The following KHK variants were observed in gnomAD, a reference collection of about 807,000 sequenced individuals.
KHK encodes fructokinase.
A neutral mutation model predicts 36.0 loss-of-function variants in KHK; 37 were observed. The ratio of observed to expected loss-of-function variants is 1.03; its 90% confidence interval spans 0.79 to 1.35. The LOEUF (loss-of-function observed/expected upper bound fraction) is 1.35. Ranked by LOEUF, KHK falls within the 40% of genes most tolerant of loss-of-function variation. The pLI is 0.00. For missense variants in KHK, 395 were observed against 391.9 expected (o/e 1.01, Z -0.07); for synonymous variants, 161 against 162.8 (o/e 0.99, Z 0.08).
chr2:27,100,386 G>C lies in KHK; in HGVS notation c.*636G>C, dbSNP rs1670745216. The C allele has an allele frequency of 6.3e-6, 8 of 1,260,650 alleles. No homozygotes were observed. The highest frequency in any genetic ancestry group is 1.2e-5 in the South Asian group (1 of 80,424). 78.1% of individuals were successfully genotyped at this position (1,260,650 alleles called of 1,614,324 possible). ...ATACCTCCTCCCGCTGACTGCCCCA[G>C]AGCCTGAAAGTCTCACCCTTGGAGC... is the stretch of plus-strand genomic sequence containing the variant. On this transcript the variant is annotated 3_prime_UTR_variant, in exon 8 of 8. Transcript: ENST00000260598.
chr2:27,095,022 G>GC (rs974217655), intron 3 of KHK, 88 bp downstream of exon 3: 1 of 1,472,292 alleles, frequency 6.8e-7, no homozygotes, highest in Non-Finnish European at 9.5e-7. Flanking sequence ...CATCCCAACT[G>GC]CCCCCCTCTG....
chr2:27,096,760 G>T lies in KHK; in HGVS notation c.376G>T (p.Glu126Ter), dbSNP rs764174512. ...SLPDVSATDF[E>*]KVDLTQFKWI... ...GCCAGATGTGTCTGCTACAGACTTT[G>T]AGAAGGTTGATCTGACCCAGTTCAA... The change falls in exon 4 of 8, where the codon GAG (glutamate) becomes TAG (stop). Residue 126 changes from glutamate to a stop codon, truncating the protein, a stop_gained. Coordinates refer to ENST00000260598, the MANE Select transcript of KHK (RefSeq NM_006488.3). LOFTEE classifies it high-confidence loss of function. 2 of 1,614,082 alleles carry T rather than the reference G, an allele frequency of 1.2e-6. No homozygotes were observed. Among genetic ancestry groups the T allele is most frequent in the South Asian group, 2.2e-5 (2 of 91,082 alleles).
chr2:27,096,667 T>A, intron 3 of KHK, 62 bp from the exon 4 acceptor site: 1 of 1,346,698 alleles, frequency 7.4e-7, no homozygotes, highest in Admixed American at 1.7e-5. Context: ...CAGTTAGAGA[T>A]CCTGGCTCTG....
Position 27,100,097 on chromosome 2 carries a change from G to T in KHK, c.*347G>T. ...CCAGGCCCAGAGGAGGGGCTGCCTG[G>T]GCTAGAGCAGCGAGAAGTGCCCTGG... On this transcript the variant is annotated 3_prime_UTR_variant, in exon 8 of 8. Transcript: ENST00000260598. 1.7e-6 allele frequency: 1 copy of T among 583,874 alleles called. No individual in the cohort carries two copies. Among genetic ancestry groups the T allele is most frequent in the Admixed American group, 3.0e-5 (1 of 33,316 alleles). 36.2% of individuals were successfully genotyped at this position (583,874 alleles called of 1,614,324 possible).
intron 1 of KHK, 97 bp downstream of exon 1, chr2:27,087,448 T>C: frequency 1.1e-6 from 1 of 945,158 alleles, no homozygotes; most frequent in African/African-American, 1.7e-5. Flanking sequence ...AGTGAGGCCC[T>C]GAGAACCCGG....
intron 1 of KHK, among the ~76,000 whole-genome samples, chr2:27,091,047 CTG>C (rs1329314552): frequency 3.9e-5 from 1 of 25,852 alleles, no homozygotes; most frequent in Non-Finnish European, 7.7e-5. Context: ...CAGAGTGACT[CTG>C]TCTCAAAAAA....
intron 1 of KHK, among the ~76,000 whole-genome samples, chr2:27,091,464 G>A (rs1670001821): frequency 6.6e-6 from 1 of 152,050 alleles, no homozygotes; most frequent in Non-Finnish European, 1.5e-5. Flanking sequence ...ATATGCTTTG[G>A]CCTAAAAATT....
In KHK at chr2:27,087,213, G is replaced by A. The variant is rs1448270473; in HGVS notation, c.-47G>A. 1.3e-6 allele frequency: 2 copies of A among 1,501,736 alleles called. No individual in the cohort carries two copies. Among genetic ancestry groups the A allele is most frequent in the Non-Finnish European group, 1.8e-6 (2 of 1,100,568 alleles). 93.0% of individuals were successfully genotyped at this position (1,501,736 alleles called of 1,614,324 possible). A position where few individuals can be genotyped will look rare whatever the true frequency, so the allele number is the denominator to read the frequency against. Reference sequence around the variant, plus strand: ...CTCCTGGATAAGAGGCAGAGGCCGGGAGGAACCCCGTCAGCCGGGCGGGCA... The same window carrying A: ...CTCCTGGATAAGAGGCAGAGGCCGGAAGGAACCCCGTCAGCCGGGCGGGCA... On this transcript the variant is annotated 5_prime_UTR_variant, in exon 1 of 8. Coordinates refer to ENST00000260598, the MANE Select transcript of KHK (RefSeq NM_006488.3).
In KHK at chr2:27,094,877, G is replaced by A; in HGVS notation, c.287G>A (p.Ser96Asn). 6.2e-7 allele frequency: 1 copy of A among 1,614,026 alleles called. No individual in the cohort carries two copies. The highest frequency in any genetic ancestry group is 1.3e-5 in the African/African-American group (1 of 75,080). The change falls in exon 3 of 8, where the codon AGC (serine) becomes AAC (asparagine). Residue 96 changes from serine to asparagine, a missense_variant. Transcript: ENST00000260598. ...TGGCAGAGCAAGGGGGACACCCCCAGCTCCTGCTGCATCATCAACAACTCC... is the reference window on the plus strand; with the variant it reads ...TGGCAGAGCAAGGGGGACACCCCCAACTCCTGCTGCATCATCAACAACTCC... ...VAWQSKGDTP[S>N]SCCIINNSNG... is the part of the protein sequence containing the mutation.
At chr2:27,098,917 G>C (rs1291179613) in intron 5 of KHK, 3 of 431,686 alleles carry the variant, frequency 6.9e-6, no homozygotes, top group Non-Finnish European at 1.3e-5. Context: ...ATATGCTTCT[G>C]GCCAGGTGCA....
intron 2 of KHK, among the ~76,000 whole-genome samples, 172 bp downstream of exon 2, chr2:27,092,620 T>A (rs1670086791): frequency 6.6e-6 from 1 of 152,202 alleles, no homozygotes; most frequent in African/African-American, 2.4e-5. Context: ...TGGCGTGGCC[T>A]CTCTGCGGTT....
intron 1 of KHK, chr2:27,087,937 T>C (rs1249248318): frequency 6.6e-6 from 1 of 152,244 alleles, no homozygotes; most frequent in Non-Finnish European, 1.5e-5. Context: ...GGGTTATGTA[T>C]GGATAGAGCT....
In KHK at chr2:27,097,599, G is replaced by C; in HGVS notation, c.514G>C (p.Val172Leu). Residue 172 changes from valine to leucine, a missense_variant, in exon 5 of 8, where the codon GTG becomes CTG. Coordinates refer to ENST00000260598, the MANE Select transcript of KHK (RefSeq NM_006488.3). The stretch of plus-strand genomic sequence containing the variant: ...GCAGAAGATCCGGGTGTCCGTGGAG[G>C]TGGAGAAGCCACGAGAGGAGCTCTT... ...PEQKIRVSVE[V>L]EKPREELFQL... The C allele has an allele frequency of 1.2e-6, 2 of 1,614,110 alleles. No homozygotes were observed. Among genetic ancestry groups the C allele is most frequent in the Non-Finnish European group, 1.7e-6 (2 of 1,180,046 alleles).
At chr2:27,099,032 A>C in intron 5 of KHK, 164 bp from the exon 6 acceptor site, 1 of 730,772 alleles carries the variant, frequency 1.4e-6, no homozygotes, top group Non-Finnish European at 2.5e-6. Flanking sequence ...TTCACAAAAA[A>C]TAAAGAAAAA....
Position 27,096,789 on chromosome 2 carries a change from G to A in KHK, c.405G>A (p.Trp135Ter). 1 of 1,613,716 alleles carries A rather than the reference G, an allele frequency of 6.2e-7. No individual in the cohort carries two copies. The highest frequency in any genetic ancestry group is 8.5e-7 in the Non-Finnish European group (1 of 1,179,680). ...AGGTTGATCTGACCCAGTTCAAGTGGATCCACATTGAGGTAAGCCCTGCCT... is the reference window on the plus strand; with the variant it reads ...AGGTTGATCTGACCCAGTTCAAGTGAATCCACATTGAGGTAAGCCCTGCCT... ...FEKVDLTQFK[W>*]IHIEGRNASE... The change falls in exon 4 of 8, where the codon TGG becomes TGA. Residue 135 changes from tryptophan to a stop codon, truncating the protein, a stop_gained. Coordinates refer to ENST00000260598, the MANE Select transcript of KHK (RefSeq NM_006488.3). LOFTEE classifies it high-confidence loss of function.
In KHK at chr2:27,100,261, A is replaced by G; in HGVS notation, c.*511A>G. The G allele has an allele frequency of 2.5e-6, 1 of 400,468 alleles. No homozygotes were observed. Among genetic ancestry groups the G allele is most frequent in the South Asian group, 2.0e-5 (1 of 49,940 alleles). The allele number at this position is 400,468 out of a possible 1,614,324, so 24.8% of individuals were successfully genotyped here. On this transcript the variant is annotated 3_prime_UTR_variant, in exon 8 of 8. Transcript: ENST00000260598. ...CCCACAGCTCAGAAGCTGGGAGTCC[A>G]CACCGCTGAGCTGAACTGACAGGCC...
chr2:27,096,906 T>G (rs1050143842), intron 4 of KHK, 105 bp downstream of exon 4: 3 of 837,826 alleles, frequency 3.6e-6, no homozygotes, highest in Non-Finnish European at 6.2e-6. Context: ...TAGAGATAAA[T>G]GAACCCAACC....
At chr2:27,098,982 A>C in intron 5 of KHK, 1 of 530,826 alleles carries the variant, frequency 1.9e-6, no homozygotes. Flanking sequence ...GGAAGATCAT[A>C]TGGGGCCAGG....
intron 1 of KHK, among the ~76,000 whole-genome samples, chr2:27,088,387 A>G (rs1558440278): frequency 2.6e-5 from 4 of 152,186 alleles, no homozygotes; most frequent in Admixed American, 2.6e-4. Flanking sequence ...GATTACAGGC[A>G]TGAGCCACTG....
Sources: gnomAD v4.1 joint callset for allele counts (sites outside exome capture counted in the v4.1 genomes callset) on GRCh38, gnomAD v4.1.1 for gene constraint, MANE v1.5 for transcripts, NCBI Gene and HGNC (gene_info 2026-07-23, HGNC 2026-07-21) for gene names.